Variants in NT5DC4 observed in about 807,000 individuals in gnomAD.
NT5DC4 encodes 5'-nucleotidase domain containing 4.
In NT5DC4, 44 loss-of-function variants were observed where a neutral mutation model predicts 26.6. That is an observed-to-expected ratio of 1.65 (90% confidence interval 1.30 to 2.13). The LOEUF (loss-of-function observed/expected upper bound fraction) is 2.13, where lower values mean the gene tolerates loss of function less well. NT5DC4 is among the 30% of genes most tolerant of loss of function. NT5DC4 has a pLI of 0.00. For missense variants in NT5DC4, 399 were observed against 228.1 expected (o/e 1.75, Z -4.83); for synonymous variants, 157 against 86.7 (o/e 1.81, Z -4.51).
Position 112,723,801 on chromosome 2 carries a change from A to G in NT5DC4, c.755A>G (p.Asn252Ser), listed in dbSNP as rs920111021. Residue 252 changes from asparagine (N) to serine (S), a missense_variant and splice_region_variant, in exon 9 of 17, where the codon AAT becomes AGT. Physicochemically the swap from Asn to Ser is conservative, Grantham distance 46. Coordinates refer to ENST00000688554, the MANE Select transcript of NT5DC4 (RefSeq NM_001393655.1). The part of the protein sequence containing the change: ...LATNSSYNYT[N>S]AIMTYLFSIS... Reference sequence around the variant, plus strand: ...ACCAACAGCAGCTACAACTACACCAATGTGAGTATGTGTATGGAGGGGTGG... The same window carrying G: ...ACCAACAGCAGCTACAACTACACCAGTGTGAGTATGTGTATGGAGGGGTGG... 12 of 611,866 alleles carry G rather than the reference A, an allele frequency of 2.0e-5. No individual in the cohort carries two copies. Among genetic ancestry groups the G allele is most frequent in the African/African-American group, 1.1e-4 (6 of 53,318 alleles). 37.9% of individuals were successfully genotyped at this position (611,866 alleles called of 1,614,324 possible).
intron 13 of NT5DC4, 142 bp from the exon 14 acceptor site, chr2:112,726,096 C>T (rs1299885734): frequency 2.1e-5 from 14 of 652,286 alleles, no homozygotes; most frequent in South Asian, 1.2e-4. Context: ...CAGAGTCTCA[C>T]GTGATGTAAG....
At chr2:112,742,280 AG>A (rs966462265), downstream of NT5DC4, 7 of 680,300 alleles carry the variant, frequency 1.0e-5, no homozygotes, top group Admixed American at 6.3e-5. Context: ...GACCACTGAC[AG>A]TGATGGTCAT....
chr2:112,742,523 G>A, downstream of NT5DC4: 3 of 713,474 alleles, frequency 4.2e-6, no homozygotes, highest in Non-Finnish European at 7.8e-6. Flanking sequence ...ATTGAGTAGT[G>A]CATTTACTTG....
chr2:112,726,933 C>G (rs1677822998), intron 15 of NT5DC4, 195 bp downstream of exon 15: 1 of 612,362 alleles, frequency 1.6e-6, no homozygotes, highest in Non-Finnish European at 3.0e-6. Context: ...GCAGCGGTAC[C>G]CTCTTGAAGG....
At chr2:112,724,746 G>T in intron 10 of NT5DC4, 35 bp from the exon 11 acceptor site, 1 of 715,602 alleles carries the variant, frequency 1.4e-6, no homozygotes. Flanking sequence ...GATTTACCAG[G>T]CTGTGTGTGT....
intron 15 of NT5DC4, among the ~76,000 whole-genome samples, chr2:112,727,735 G>A (rs1677930681): frequency 6.6e-6 from 1 of 152,206 alleles, no homozygotes; most frequent in Admixed American, 6.5e-5. Flanking sequence ...CCCAGAAAGG[G>A]AGTAGGCCAG....
intron 15 of NT5DC4, among the ~76,000 whole-genome samples, 178 bp from the exon 16 acceptor site, chr2:112,729,449 G>A (rs1478661842): frequency 6.6e-6 from 1 of 152,206 alleles, no homozygotes; most frequent in Non-Finnish European, 1.5e-5. Flanking sequence ...AGGAAGTGAA[G>A]TCCAGCTGCC....
At chr2:112,731,581 A>G (rs1678489492) in intron 16 of NT5DC4, 1 of 152,218 alleles carries the variant, frequency 6.6e-6, no homozygotes. Flanking sequence ...GTGTATACAC[A>G]TTAAAACACA....
At chr2:112,724,381 G>A (rs374056227) in intron 10 of NT5DC4, 70 of 591,188 alleles carry the variant, frequency 1.2e-4, no homozygotes, top group East Asian at 4.8e-4. Flanking sequence ...GGCAGAAAGT[G>A]GGTGAGACGA....
intron 7 of NT5DC4, 80 bp from the exon 8 acceptor site, chr2:112,723,338 C>G (rs536681616): frequency 3.0e-6 from 2 of 672,930 alleles, no homozygotes; most frequent in African/African-American, 3.7e-5. Context: ...ATCTTGGACA[C>G]AGACATGTGG....
chr2:112,729,585 C>T (rs755038063), intron 15 of NT5DC4, 42 bp from the exon 16 acceptor site: 57 of 717,144 alleles, frequency 7.9e-5, no homozygotes, highest in African/African-American at 1.9e-4. Flanking sequence ...AGGCCGTACC[C>T]GGGACGGAGT....
chr2:112,719,914 TTCTTTCTTTC>T (rs1229519608), upstream of NT5DC4, among the ~76,000 whole-genome samples: 51 of 112,790 alleles, frequency 4.5e-4, 2 homozygotes, highest in South Asian at 2.5e-3. Context: ...TTTTCTTTCT[TTCTTTCTTTC>T]TCTTTCTTTC....
Position 112,724,146 on chromosome 2 carries a change from G to A in NT5DC4, c.789+20G>A, listed in dbSNP as rs577905718. The A allele has an allele frequency of 1.2e-4, 85 of 716,616 alleles. 1 individual carries two copies. The highest frequency in any genetic ancestry group is 1.1e-3 in the South Asian group (77 of 67,580). 44.4% of individuals were successfully genotyped at this position (716,616 alleles called of 1,614,324 possible). On this transcript the variant is annotated intron_variant, in intron 10 of 16. Coordinates refer to ENST00000688554, the MANE Select transcript of NT5DC4 (RefSeq NM_001393655.1). ...AGTGAGGTGAGTGTTGGAGTGTTGC[G>A]TGCACGGCTGGGGTGGGCTGTGCAA... is the stretch of plus-strand genomic sequence containing the variant.
In NT5DC4 at chr2:112,726,775, C is replaced by G. The variant is rs1224106775; in HGVS notation, c.1266+37C>G. ...GTGGCGAGGGAAGGGACAGGCCCAG[C>G]AGGGGCGGAGCCGGGTTCACTTCCC... On this transcript the variant is annotated intron_variant, in intron 15 of 16. Coordinates refer to ENST00000688554, the MANE Select transcript of NT5DC4 (RefSeq NM_001393655.1). 6 of 717,264 alleles carry G rather than the reference C, an allele frequency of 8.4e-6. No individual in the cohort carries two copies. In the East Asian group the frequency reaches 1.3e-4, roughly 16 times the overall value. 44.4% of individuals were successfully genotyped at this position (717,264 alleles called of 1,614,324 possible).
In NT5DC4 at chr2:112,722,608, G is replaced by T. The variant is rs941179464; in HGVS notation, c.469+19G>T. 5.7e-5 allele frequency: 41 copies of T among 717,472 alleles called. No individual in the cohort carries two copies. The African/African-American group carries it at 6.3e-4, about 11-fold the overall frequency. 44.4% of individuals were successfully genotyped at this position (717,472 alleles called of 1,614,324 possible). ...CTGCCTGGTGGGTGGAGGGTTGGGG[G>T]CACGGGAGGTGGTCCTGAGTTCCGG... On this transcript the variant is annotated intron_variant, in intron 5 of 16. Transcript: ENST00000688554.
chr2:112,723,360 T>TACACAC, intron 7 of NT5DC4, 58 bp from the exon 8 acceptor site: 1 of 191,972 alleles, frequency 5.2e-6, no homozygotes, highest in Non-Finnish European at 9.0e-6. Flanking sequence ...TGGGTACACA[T>TACACAC]GCACACACAC....
intron 9 of NT5DC4, 53 bp downstream of exon 9, chr2:112,723,855 G>T: frequency 1.8e-6 from 1 of 542,440 alleles, no homozygotes; most frequent in Non-Finnish European, 3.6e-6. Flanking sequence ...GGCCCCAGGG[G>T]ACACAGTGGC....
At chr2:112,719,958 CTT>C (rs1302750724), upstream of NT5DC4, among the ~76,000 whole-genome samples, 11 of 117,768 alleles carry the variant, frequency 9.3e-5, no homozygotes, top group Admixed American at 3.6e-4. Context: ...TTCTTTCTTT[CTT>C]TCTTTCTTTC....
upstream of NT5DC4, among the ~76,000 whole-genome samples, chr2:112,719,182 A>T (rs1006527244): frequency 6.6e-6 from 1 of 152,172 alleles, no homozygotes; most frequent in Non-Finnish European, 1.5e-5. Context: ...CACCACAAAC[A>T]TGTGAGTGAT....
Sources: gnomAD v4.1 joint callset for allele counts (sites outside exome capture counted in the v4.1 genomes callset) on GRCh38, gnomAD v4.1.1 for gene constraint, MANE v1.5 for transcripts, NCBI Gene and HGNC (gene_info 2026-07-23, HGNC 2026-07-21) for gene names.